The following HYAL4 variants were observed in gnomAD, a reference collection of about 807,000 sequenced individuals.
The protein encoded by HYAL4 is hyaluronidase-4.
In HYAL4, 37 loss-of-function variants were observed where a neutral mutation model predicts 35.2. The ratio of observed to expected loss-of-function variants is 1.05; its 90% CI spans 0.81 to 1.38. The LOEUF is 1.38. Ranked by LOEUF, HYAL4 falls within the 40% of genes most tolerant of loss-of-function variation. The pLI, the probability that HYAL4 is intolerant of heterozygous loss-of-function variation, is 0.00. For synonymous variants in HYAL4, 198 were observed against 203.2 expected, an observed-to-expected ratio of 0.97 and a Z score of 0.22; for missense variants, 572 against 572.4, an observed-to-expected ratio of 1.00 and a Z score of 0.01.
At chr7:123,855,706 G>A (rs934111318) in intron 2 of HYAL4, among the ~76,000 whole-genome samples, 2 of 152,076 alleles carry the variant, frequency 1.3e-5, no homozygotes, top group African/African-American at 2.4e-5. Flanking sequence ...GAGTATCTTT[G>A]TGGTGGTTTC....
intron 2 of HYAL4, among the ~76,000 whole-genome samples, chr7:123,861,965 A>G (rs1266853296): frequency 6.6e-6 from 1 of 152,134 alleles, no homozygotes; most frequent in Non-Finnish European, 1.5e-5. Context: ...TAATTGAGAA[A>G]CCTCTAACAT....
At chr7:123,865,784 A>G (rs1291141949) in intron 2 of HYAL4, among the ~76,000 whole-genome samples, 1 of 152,178 alleles carries the variant, frequency 6.6e-6, no homozygotes, top group African/African-American at 2.4e-5. Context: ...AGCACCTTGT[A>G]TTGGTCCATT....
At chr7:123,804,487 ATCTT>A in the HYAL4 span, among the ~76,000 whole-genome samples, 2 of 152,210 alleles carry the variant, frequency 1.3e-5, no homozygotes, top group African/African-American at 2.4e-5. Context: ...AATTTTGTCT[ATCTT>A]TTTCTGTATT....
chr7:123,865,960 AG>A (rs1806677192), intron 2 of HYAL4, among the ~76,000 whole-genome samples: 1 of 152,192 alleles, frequency 6.6e-6, no homozygotes, highest in South Asian at 2.1e-4. Flanking sequence ...GAGCATGCTC[AG>A]GGGAACCACC....
At chr7:123,801,708 G>A in the HYAL4 span, among the ~76,000 whole-genome samples, 1 of 152,120 alleles carries the variant, frequency 6.6e-6, no homozygotes, top group Non-Finnish European at 1.5e-5. Flanking sequence ...TGCAGGCTAA[G>A]TAGAAGTTAT....
intron 1 of HYAL4, among the ~76,000 whole-genome samples, chr7:123,836,842 G>A (rs1805972176): frequency 6.6e-6 from 1 of 151,936 alleles, no homozygotes; most frequent in African/African-American, 2.4e-5. Flanking sequence ...CAGCCTGGCT[G>A]ACGTGGCAAA....
At chr7:123,837,723 G>A (rs1805987998) in intron 1 of HYAL4, among the ~76,000 whole-genome samples, 1 of 125,844 alleles carries the variant, frequency 7.9e-6, no homozygotes, top group Admixed American at 1.1e-4. Context: ...TCCCCTTCCT[G>A]TGTTCTCATT....
the HYAL4 span, among the ~76,000 whole-genome samples, chr7:123,795,694 A>T: frequency 6.6e-6 from 1 of 152,212 alleles, no homozygotes; most frequent in Non-Finnish European, 1.5e-5. Flanking sequence ...AACTTAAGTC[A>T]ATTGAACCTC....
upstream of HYAL4, among the ~76,000 whole-genome samples, chr7:123,843,884 T>G (rs1354185593): frequency 9.9e-5 from 15 of 151,992 alleles, no homozygotes; most frequent in Non-Finnish European, 7.4e-5. Context: ...TTTATTCTAG[T>G]TAGCCATTCA....
chr7:123,764,384 C>T, the HYAL4 span, among the ~76,000 whole-genome samples: 1 of 152,262 alleles, frequency 6.6e-6, no homozygotes, highest in Non-Finnish European at 1.5e-5. Context: ...ATCTAATCCC[C>T]TCACAGCTTA....
intron 2 of HYAL4, among the ~76,000 whole-genome samples, chr7:123,856,941 G>A (rs552139869): frequency 2.8e-4 from 43 of 152,222 alleles, no homozygotes; most frequent in South Asian, 1.2e-3. Flanking sequence ...GAGCTGTGGT[G>A]GATTCCACCC....
At chr7:123,784,066 A>G in the HYAL4 span, among the ~76,000 whole-genome samples, 1 of 152,230 alleles carries the variant, frequency 6.6e-6, no homozygotes, top group African/African-American at 2.4e-5. Context: ...GCAACAGAGT[A>G]TATGTGTAAA....
At chr7:123,785,779 T>G in the HYAL4 span, among the ~76,000 whole-genome samples, 2 of 152,172 alleles carry the variant, frequency 1.3e-5, no homozygotes, top group South Asian at 4.1e-4. The surrounding 1 kb of genome is among the most constrained non-coding windows in gnomAD (Gnocchi z 4.5). Flanking sequence ...ATGGGACACA[T>G]GGACAGCCTC....
chr7:123,876,766 A>C lies in HYAL4; in HGVS notation c.1057A>C (p.Lys353Gln). 3 of 1,612,884 alleles carry C rather than the reference A, an allele frequency of 1.9e-6. No individual in the cohort carries two copies. Among genetic ancestry groups the C allele is most frequent in the Non-Finnish European group, 8.5e-7 (1 of 1,178,990 alleles). ...NLTASKANCT[K>Q]VKQFVSSDLG... Reference sequence around the variant, plus strand: ...CCTACATTTCTAGGCCAACTGTACAAAGGTGAAGCAGTTTGTGAGTTCTGA... The same window carrying C: ...CCTACATTTCTAGGCCAACTGTACACAGGTGAAGCAGTTTGTGAGTTCTGA... The change falls in exon 5 of 5, where the codon AAG (lysine) becomes CAG (glutamine). Residue 353 changes from lysine to glutamine, a missense_variant. By Grantham distance (53) the Lys-to-Gln change is moderately conservative. Coordinates refer to ENST00000223026, the MANE Select transcript of HYAL4 (RefSeq NM_012269.3).
chr7:123,809,393 CTTTTTTT>C, the HYAL4 span, among the ~76,000 whole-genome samples: 4 of 129,576 alleles, frequency 3.1e-5, no homozygotes, highest in African/African-American at 1.1e-4. Flanking sequence ...TTTTCTTCTT[CTTTTTTT>C]TTTTTTTTTT....
chr7:123,798,578 A>G, the HYAL4 span, among the ~76,000 whole-genome samples: 1 of 152,222 alleles, frequency 6.6e-6, no homozygotes, highest in Non-Finnish European at 1.5e-5. Flanking sequence ...TAGGAGTGGG[A>G]CAGGTGGTTG....
chr7:123,798,078 A>G, the HYAL4 span, among the ~76,000 whole-genome samples: 3 of 152,232 alleles, frequency 2.0e-5, 1 homozygote, highest in South Asian at 6.2e-4. Context: ...AAATTTTTAT[A>G]TTGTTTTAAG....
At chr7:123,874,633 T>C (rs1806963601) in intron 3 of HYAL4, 128 bp from the exon 4 acceptor site, 3 of 593,720 alleles carry the variant, frequency 5.1e-6, no homozygotes, top group Non-Finnish European at 6.0e-6. Context: ...TCTCAAACTC[T>C]TGACCTCGTG....
intron 2 of HYAL4, among the ~76,000 whole-genome samples, chr7:123,849,952 CAT>C (rs1269400385): frequency 6.6e-6 from 1 of 152,200 alleles, no homozygotes; most frequent in Non-Finnish European, 1.5e-5. Flanking sequence ...CTATATTTCT[CAT>C]ATGTTTTATC....
Sources: gnomAD v4.1 joint callset for allele counts (sites outside exome capture counted in the v4.1 genomes callset) on GRCh38, gnomAD v4.1.1 for gene constraint, Gnocchi (gnomAD v3.1) non-coding constraint, MANE v1.5 for transcripts, NCBI Gene and HGNC (gene_info 2026-07-23, HGNC 2026-07-21) for gene names.